Variants in PCDH11X observed in about 807,000 individuals in gnomAD.
PCDH11X encodes protocadherin-11 X-linked.
A neutral mutation model predicts 53.3 loss-of-function variants in PCDH11X; 18 were observed. That is an observed-to-expected ratio of 0.34 (90% CI 0.23 to 0.50). The LOEUF is 0.50. Ranked by LOEUF, PCDH11X falls within the 20% of genes least tolerant of loss-of-function variation. The pLI is 0.98. For missense variants in PCDH11X, 570 were observed against 1,032.4 expected (o/e 0.55, Z 6.14); for synonymous variants, 279 against 393.3 (o/e 0.71, Z 3.44).
intron 8 of PCDH11X, among the ~76,000 whole-genome samples, chrX:92,272,034 T>A (rs942355791): frequency 8.0e-5 from 9 of 111,963 alleles, no homozygotes; most frequent in African/African-American, 2.9e-4. Flanking sequence ...TTTTCTGTTT[T>A]TATGACAAAG....
At chrX:91,862,046 G>A (rs906867572) in intron 5 of PCDH11X, among the ~76,000 whole-genome samples, 14 of 109,899 alleles carry the variant, frequency 1.3e-4, no homozygotes, top group African/African-American at 1.7e-4. Context: ...TCTTGGCCCC[G>A]CCAACACCCA....
At chrX:92,212,075 A>G (rs1304446092) in intron 7 of PCDH11X, among the ~76,000 whole-genome samples, 3 of 92,000 alleles carry the variant, frequency 3.3e-5, no homozygotes, top group African/African-American at 1.3e-4. Context: ...GCAGTGGTGC[A>G]ATCTCAGCTC....
chrX:91,972,741 C>T (rs1198021254), intron 6 of PCDH11X, among the ~76,000 whole-genome samples: 1 of 109,050 alleles, frequency 9.2e-6, no homozygotes, highest in Non-Finnish European at 1.9e-5. Context: ...TCAGGTTTGT[C>T]AAAGATCAGA....
In PCDH11X at chrX:92,503,505, G is replaced by T. The variant is rs1476423769; in HGVS notation, c.3367+35183G>T. Among the ~76,000 whole-genome samples the T allele has an allele frequency of 4.7e-5, 5 of 105,656 alleles. No individual in the cohort carries two copies. The Admixed American group carries it at 5.0e-4, about 11-fold the overall frequency. The allele number at this position is 105,656 out of a possible 115,157, so 91.7% of individuals were successfully genotyped here. ...GCCCATCAATGATAAACTAGATAAA[G>T]AAAATGTGGTACATATACCTCATTG... On this transcript the variant is annotated intron_variant, in intron 10 of 10. Transcript: ENST00000682573.
At chrX:91,956,027 T>TA (rs2061704663) in intron 6 of PCDH11X, among the ~76,000 whole-genome samples, 1 of 110,408 alleles carries the variant, frequency 9.1e-6, no homozygotes, top group Non-Finnish European at 1.9e-5. Context: ...TTGTCTTTTT[T>TA]AAATCCATAT....
chrX:91,940,431 G>T lies in PCDH11X; in HGVS notation c.3033+61158G>T, dbSNP rs1038719954. ...AGTTTATAACATATATAAGTAAAAT[G>T]TATTTCAATAATAGCATAAAAGTTT... On this transcript the variant is annotated intron_variant, in intron 6 of 10. Transcript: ENST00000682573. Among the ~76,000 whole-genome samples the T allele has an allele frequency of 2.7e-5, 3 of 111,826 alleles. No homozygotes were observed. The Admixed American group carries it at 2.8e-4, about 11-fold the overall frequency.
At chrX:91,780,825 A>C (rs748925836) in intron 1 of PCDH11X, among the ~76,000 whole-genome samples, 2 of 113,230 alleles carry the variant, frequency 1.8e-5, no homozygotes, top group African/African-American at 3.2e-5. Context: ...CTGAGCGCTT[A>C]GTCGCAAAAG....
intron 6 of PCDH11X, among the ~76,000 whole-genome samples, chrX:92,046,789 C>T (rs924661990): frequency 1.2e-4 from 13 of 109,475 alleles, no homozygotes; most frequent in Non-Finnish European, 5.7e-5. Context: ...TCAATTTTAG[C>T]AGAACATATC....
At chrX:91,933,576 G>T (rs1286302049) in intron 6 of PCDH11X, among the ~76,000 whole-genome samples, 5 of 111,063 alleles carry the variant, frequency 4.5e-5, no homozygotes. Flanking sequence ...CTAAGGAAAA[G>T]GAGCTCAGCT....
chrX:91,794,474 G>A, intron 1 of PCDH11X, among the ~76,000 whole-genome samples: 1 of 111,735 alleles, frequency 8.9e-6, no homozygotes, highest in Non-Finnish European at 1.9e-5. Flanking sequence ...GAAAGGAAAT[G>A]TTTCTCAGAT....
intron 6 of PCDH11X, among the ~76,000 whole-genome samples, chrX:92,005,861 T>C (rs766656250): frequency 1.8e-5 from 2 of 112,085 alleles, no homozygotes; most frequent in South Asian, 3.7e-4. Flanking sequence ...TTGATGAATA[T>C]TTTAGCTGGA....
intron 10 of PCDH11X, among the ~76,000 whole-genome samples, chrX:92,590,729 C>T (rs1924948273): frequency 9.1e-6 from 1 of 110,306 alleles, no homozygotes. Context: ...GGTCTGGAAT[C>T]GGTTTGGAAG....
intron 8 of PCDH11X, among the ~76,000 whole-genome samples, chrX:92,323,114 A>G (rs962200715): frequency 2.7e-5 from 3 of 110,384 alleles, no homozygotes; most frequent in African/African-American, 9.8e-5. Flanking sequence ...CAAATACTTT[A>G]TAGAGATTTA....
At position 91,998,448 on chromosome X, in the gene PCDH11X, A is replaced by T. The variant is rs772460216; in HGVS notation, c.3033+119175A>T. Among the ~76,000 whole-genome samples the T allele has an allele frequency of 7.4e-5, 8 of 108,442 alleles. No individual in the cohort carries two copies. In the East Asian group the frequency reaches 2.3e-3, roughly 32 times the overall value. 94.2% of individuals were successfully genotyped at this position (108,442 alleles called of 115,157 possible). A position where few individuals can be genotyped will look rare whatever the true frequency, so the allele number is the denominator to read the frequency against. The stretch of plus-strand genomic sequence containing the variant: ...CTTGTTTTCTTAGTCTAGCTAAAAG[A>T]TTGATAAAATTTGATAAAATTCAAC... On this transcript the variant is annotated intron_variant, in intron 6 of 10. Transcript: ENST00000682573.
chrX:92,424,747 T>C (rs1171860312), intron 9 of PCDH11X, among the ~76,000 whole-genome samples: 3 of 97,864 alleles, frequency 3.1e-5, no homozygotes, highest in African/African-American at 6.6e-5. Flanking sequence ...TGCTTCTCTA[T>C]GTTTTGACTC....
At chrX:91,841,347 T>C (rs982055420) in intron 5 of PCDH11X, among the ~76,000 whole-genome samples, 8 of 111,637 alleles carry the variant, frequency 7.2e-5, no homozygotes, top group African/African-American at 2.6e-4. Flanking sequence ...GGAACGTAAG[T>C]TGGACATCGT....
At chrX:92,258,445 G>A (rs2067644615) in intron 7 of PCDH11X, among the ~76,000 whole-genome samples, 1 of 104,875 alleles carries the variant, frequency 9.5e-6, no homozygotes, top group African/African-American at 3.5e-5. Context: ...TCGGCTCGCT[G>A]CATGCTCCAC....
intron 6 of PCDH11X, among the ~76,000 whole-genome samples, chrX:92,011,632 A>G (rs1297239658): frequency 9.0e-6 from 1 of 111,382 alleles, no homozygotes; most frequent in East Asian, 2.8e-4. Context: ...AATTTGAAGG[A>G]AGAGCAAACA....
At chrX:92,536,654 T>C (rs1484549133) in intron 10 of PCDH11X, among the ~76,000 whole-genome samples, 1 of 8,049 alleles carries the variant, frequency 1.2e-4, no homozygotes, top group African/African-American at 1.5e-4. Context: ...GATAAAAGCC[T>C]TTTTTTTTTT....
Sources: allele counts gnomAD v4.1 joint callset (sites outside exome capture counted in the v4.1 genomes callset), GRCh38; gene constraint gnomAD v4.1.1; transcripts MANE v1.5; gene names NCBI Gene and HGNC (gene_info 2026-07-23, HGNC 2026-07-21).